Variants in DOCK1 observed in about 807,000 individuals in gnomAD.
DOCK1 encodes dedicator of cytokinesis protein 1.
In DOCK1, 138 loss-of-function variants were observed where a neutral mutation model predicts 262.7. The ratio of observed to expected loss-of-function variants is 0.53; its 90% CI spans 0.46 to 0.61. DOCK1 has a LOEUF of 0.61. Among genes scored for constraint, DOCK1 ranks in the 20% least tolerant of loss-of-function variants. The pLI is 0.00. For missense variants in DOCK1, 1,908 were observed against 2,370.7 expected (o/e 0.80, Z 4.05); for synonymous variants, 866 against 867.4 (o/e 1.00, Z 0.03).
chr10:126,990,724 T>C, intron 6 of DOCK1, 121 bp downstream of exon 6: 1 of 1,239,130 alleles, frequency 8.1e-7, no homozygotes, highest in Non-Finnish European at 1.1e-6. Context: ...ATCAAAGTAA[T>C]GGCATGTTTT....
chr10:126,960,027 C>T (rs1219950705), intron 1 of DOCK1, among the ~76,000 whole-genome samples: 2 of 152,236 alleles, frequency 1.3e-5, no homozygotes, highest in African/African-American at 4.8e-5. Flanking sequence ...AGGCTGGTCT[C>T]GAACTCCTGA....
At chr10:127,098,671 G>T (rs1038359104) in intron 23 of DOCK1, among the ~76,000 whole-genome samples, 1 of 152,146 alleles carries the variant, frequency 6.6e-6, no homozygotes, top group Non-Finnish European at 1.5e-5. Flanking sequence ...GTCTACCATG[G>T]TGCTGCCTTC....
intron 31 of DOCK1, among the ~76,000 whole-genome samples, chr10:127,349,879 C>A (rs747575544): frequency 7.2e-5 from 11 of 152,142 alleles, no homozygotes; most frequent in Non-Finnish European, 1.5e-4. Context: ...CTCAATCTCC[C>A]TCTCCTTATA....
At position 127,048,360 on chromosome 10, in the gene DOCK1, G is replaced by A. The variant is rs999415700; in HGVS notation, c.2202-4321G>A. Among the ~76,000 whole-genome samples, 58 of 151,796 alleles carry A rather than the reference G, an allele frequency of 3.8e-4. 1 individual carries two copies. Among genetic ancestry groups the A allele is most frequent in the Admixed American group, 2.6e-4 (4 of 15,222 alleles). On this transcript the variant is annotated intron_variant, in intron 21 of 51. Coordinates refer to ENST00000623213, the MANE Select transcript of DOCK1 (RefSeq NM_001290223.2). Reference sequence around the variant, plus strand: ...ATTTTGTTGTCTGTTTCTTATTGATGTTTATGGTATGTGTGTGTATGTGTT... The same window carrying A: ...ATTTTGTTGTCTGTTTCTTATTGATATTTATGGTATGTGTGTGTATGTGTT...
At chr10:126,983,401 A>C (rs1004621691) in intron 4 of DOCK1, among the ~76,000 whole-genome samples, 18 of 151,970 alleles carry the variant, frequency 1.2e-4, no homozygotes, top group Middle Eastern at 3.2e-3. Context: ...TCTAGTGCCA[A>C]TGTGGGCCAC....
chr10:127,301,779 C>G (rs1392352084), intron 29 of DOCK1, among the ~76,000 whole-genome samples: 1 of 151,980 alleles, frequency 6.6e-6, no homozygotes, highest in Admixed American at 6.6e-5. Context: ...AACCCCACCT[C>G]TACTAAAAGT....
rs753758508 is a variant in DOCK1 at position 127,000,217 on chromosome 10, T to G, written c.895T>G (p.Cys299Gly). 3 of 1,613,934 alleles carry G rather than the reference T, an allele frequency of 1.9e-6. No individual in the cohort carries two copies. ...GAAAAGGGAGAAAATCAGTTTTGTCTGTCAGATTGTTCGCGTGGGTCGCAT... is the reference window on the plus strand; with the variant it reads ...GAAAAGGGAGAAAATCAGTTTTGTCGGTCAGATTGTTCGCGTGGGTCGCAT... ...DLKREKISFVCQIVRVGRMEL... is the reference protein window; with the variant it reads ...DLKREKISFVGQIVRVGRMEL... The change falls in exon 10 of 52, where the codon TGT (cysteine) becomes GGT (glycine). Residue 299 changes from cysteine (C) to glycine (G), a missense_variant. This residue lies in a region of DOCK1 where 102 missense variants were observed against 154.9 expected (regional missense o/e 0.66). Coordinates refer to ENST00000623213, the MANE Select transcript of DOCK1 (RefSeq NM_001290223.2).
At chr10:126,949,208 T>G (rs1346417732) in intron 1 of DOCK1, among the ~76,000 whole-genome samples, 1 of 152,118 alleles carries the variant, frequency 6.6e-6, no homozygotes, top group African/African-American at 2.4e-5. Flanking sequence ...GTGACCTGGG[T>G]TGGGGGACAT....
intron 48 of DOCK1, among the ~76,000 whole-genome samples, chr10:127,435,966 C>T (rs762296613): frequency 2.8e-4 from 42 of 152,134 alleles, no homozygotes; most frequent in East Asian, 1.3e-3. Context: ...TTTCACAACC[C>T]GGGTCTTCTC....
chr10:127,384,867 G>A lies in DOCK1; in HGVS notation c.3885G>A (p.Glu1295=). Residue 1295 remains glutamate (E), a synonymous_variant, in exon 38 of 52, where the codon GAG becomes GAA. Coordinates refer to ENST00000623213, the MANE Select transcript of DOCK1 (RefSeq NM_001290223.2). ...CCACCACGCAGGGACAGCTGAAGGA[G>A]CAGCTCTACCAGGAAATCATCCACT... ...YQATTQGQLK[E]QLYQEIIHYF... is the part of the protein sequence containing the mutation. 2 of 1,608,138 alleles carry A rather than the reference G, an allele frequency of 1.2e-6. No individual in the cohort carries two copies. The highest frequency in any genetic ancestry group is 1.1e-5 in the South Asian group (1 of 90,112).
At chr10:127,428,374 G>A (rs1014241338) in intron 47 of DOCK1, among the ~76,000 whole-genome samples, 3 of 147,496 alleles carry the variant, frequency 2.0e-5, no homozygotes, top group African/African-American at 7.3e-5. Flanking sequence ...AGGGCAGGAA[G>A]GTAGGGTGCT....
chr10:127,190,800 CAGA>C (rs2056697175), intron 27 of DOCK1, among the ~76,000 whole-genome samples: 1 of 151,228 alleles, frequency 6.6e-6, no homozygotes, highest in Non-Finnish European at 1.5e-5. Flanking sequence ...ACTTGTCTGC[CAGA>C]AGGTTTTACT....
intron 29 of DOCK1, among the ~76,000 whole-genome samples, chr10:127,323,506 A>C (rs1296925345): frequency 6.6e-6 from 1 of 152,148 alleles, no homozygotes; most frequent in Non-Finnish European, 1.5e-5. Flanking sequence ...GTTATCCACA[A>C]AGGGTACTTT....
chr10:127,004,331 C>T (rs926763893), intron 10 of DOCK1, among the ~76,000 whole-genome samples: 2 of 151,942 alleles, frequency 1.3e-5, no homozygotes, highest in African/African-American at 4.8e-5. Context: ...CTACTAGAAA[C>T]TCTTCTCTGA....
At chr10:127,325,293 A>T (rs1002102256) in intron 29 of DOCK1, among the ~76,000 whole-genome samples, 2 of 152,216 alleles carry the variant, frequency 1.3e-5, no homozygotes, top group African/African-American at 4.8e-5. Flanking sequence ...AGCTTGTAGC[A>T]CATCCTTTAA....
chr10:127,427,901 AAC>A (rs2068928074), intron 47 of DOCK1, among the ~76,000 whole-genome samples: 1 of 152,224 alleles, frequency 6.6e-6, no homozygotes, highest in Non-Finnish European at 1.5e-5. Flanking sequence ...AAGCCAACAT[AAC>A]ACAACTGCTG....
intron 27 of DOCK1, among the ~76,000 whole-genome samples, chr10:127,145,107 C>T (rs2051675003): frequency 6.6e-6 from 1 of 152,102 alleles, no homozygotes; most frequent in African/African-American, 2.4e-5. Context: ...ATCCTAGGTG[C>T]CCATCTTACC....
intron 44 of DOCK1, among the ~76,000 whole-genome samples, chr10:127,416,106 G>GAGCTATGGGC (rs1425601396): frequency 1.3e-5 from 2 of 152,228 alleles, no homozygotes; most frequent in African/African-American, 4.8e-5. Flanking sequence ...ACACCAGCAT[G>GAGCTATGGGC]AGCTATGGGC....
rs2054587499 is a variant in DOCK1, at chr10:127,171,686, C to T, written c.2847+43922C>T. 2.0e-5 allele frequency among the ~76,000 whole-genome samples: 3 copies of T among 152,182 alleles called. No individual in the cohort carries two copies. In the South Asian group the frequency reaches 6.2e-4, roughly 32 times the overall value. Reference sequence around the variant, plus strand: ...GATTTGTAGGCTTTAGAATATTTTCCAAGAAAAGTTCCATTGATTTTATTT... The same window carrying T: ...GATTTGTAGGCTTTAGAATATTTTCTAAGAAAAGTTCCATTGATTTTATTT... On this transcript the variant is annotated intron_variant, in intron 27 of 51. Transcript: ENST00000623213.
Sources: allele counts gnomAD v4.1 joint callset (sites outside exome capture counted in the v4.1 genomes callset), GRCh38; gene constraint gnomAD v4.1.1; regional missense constraint gnomAD v4.1.1; transcripts MANE v1.5; gene names NCBI Gene and HGNC (gene_info 2026-07-23, HGNC 2026-07-21).